The following INTS12 variants were observed in gnomAD, a reference collection of about 807,000 sequenced individuals.
The protein encoded by INTS12 is PHD finger protein 22.
A neutral mutation model predicts 41.6 loss-of-function variants in INTS12; 13 were observed. That is an observed-to-expected ratio of 0.31 (90% CI 0.20 to 0.50). The LOEUF (loss-of-function observed/expected upper bound fraction) is 0.50. INTS12 is among the 20% of genes least tolerant of loss of function. INTS12 has a pLI of 0.98. For synonymous variants in INTS12, 199 were observed against 191.4 expected (o/e 1.04, Z -0.33); for missense variants, 432 against 541.6 (o/e 0.80, Z 2.01).
chr4:105,691,374 C>G (rs1032614392), intron 6 of INTS12, among the ~76,000 whole-genome samples: 2 of 151,878 alleles, frequency 1.3e-5, no homozygotes, highest in Non-Finnish European at 2.9e-5. Context: ...GAAAACTATC[C>G]AATATAACAA....
chr4:105,691,921 A>G, intron 6 of INTS12, 55 bp downstream of exon 6: 1 of 1,333,706 alleles, frequency 7.5e-7, no homozygotes, highest in Non-Finnish European at 1.0e-6. Context: ...TTGAAAGCAC[A>G]TACCAACAAA....
intron 1 of INTS12, among the ~76,000 whole-genome samples, chr4:105,706,864 C>T (rs1732283516): frequency 6.6e-6 from 1 of 152,122 alleles, no homozygotes; most frequent in Non-Finnish European, 1.5e-5. Flanking sequence ...TATTAGCTTA[C>T]TTGAACTATG....
intron 6 of INTS12, among the ~76,000 whole-genome samples, chr4:105,687,641 T>G (rs779086456): frequency 6.6e-6 from 1 of 152,172 alleles, no homozygotes; most frequent in Non-Finnish European, 1.5e-5. Context: ...CAAACACAGT[T>G]AGGATTAAAA....
chr4:105,695,410 C>A (rs1459695751), intron 4 of INTS12, 106 bp downstream of exon 4: 9 of 785,796 alleles, frequency 1.1e-5, no homozygotes, highest in Non-Finnish European at 1.8e-5. Flanking sequence ...TTATTATATA[C>A]CTATACCCAT....
At chr4:105,708,030 C>G in intron 1 of INTS12, 1 of 985,396 alleles carries the variant, frequency 1.0e-6, no homozygotes, top group Non-Finnish European at 1.2e-6. Context: ...CATAATGGCT[C>G]TAAAAAACTT....
At chr4:105,703,458 G>GCC (rs1732155123) in intron 2 of INTS12, among the ~76,000 whole-genome samples, 190 bp downstream of exon 2, 1 of 152,016 alleles carries the variant, frequency 6.6e-6, no homozygotes, top group Admixed American at 6.6e-5. Flanking sequence ...TATTATCCTT[G>GCC]ATTTATTGCA....
chr4:105,707,148 C>A (rs1732304810), intron 1 of INTS12, among the ~76,000 whole-genome samples: 1 of 152,036 alleles, frequency 6.6e-6, no homozygotes, highest in South Asian at 2.1e-4. Flanking sequence ...AGCTCTTTAC[C>A]TATTTTTATA....
rs767514862 is a variant in INTS12, at chr4:105,700,706, A to AACACACACACACACACACACACACACAC, written c.-9-720_-9-693dup. The stretch of plus-strand genomic sequence containing the variant: ...GAGGGATAATATCATATCTACTTAA[A>AACACACACACACACACACACACACACAC]ACACACACACACACACACACACACA... On this transcript the variant is annotated intron_variant, in intron 2 of 7. Transcript: ENST00000340139. Among the ~76,000 whole-genome samples the AACACACACACACACACACACACACACAC allele has an allele frequency of 1.9e-4, 26 of 134,806 alleles. 1 individual carries two copies. The highest frequency in any genetic ancestry group is 6.1e-4 in the African/African-American group (21 of 34,376). The allele number at this position is 134,806 out of a possible 152,430, so 88.4% of individuals were successfully genotyped here. A position where few individuals can be genotyped will look rare whatever the true frequency, so the allele number is the denominator to read the frequency against.
chr4:105,701,344 G>A (rs1315582011), intron 2 of INTS12, among the ~76,000 whole-genome samples: 1 of 151,004 alleles, frequency 6.6e-6, no homozygotes, highest in Non-Finnish European at 1.5e-5. Flanking sequence ...AATCACCCAT[G>A]GAAAGGAATC....
At chr4:105,702,964 A>G (rs1389511596) in intron 2 of INTS12, 5 of 984,796 alleles carry the variant, frequency 5.1e-6, no homozygotes, top group Non-Finnish European at 6.0e-6. Flanking sequence ...ATATAGTGAA[A>G]GAAGTTTACT....
At chr4:105,684,043 A>G (rs963409377) in intron 7 of INTS12, among the ~76,000 whole-genome samples, 3 of 152,108 alleles carry the variant, frequency 2.0e-5, no homozygotes, top group African/African-American at 7.2e-5. Flanking sequence ...TTTAATAAGG[A>G]TTTTATCAAT....
intron 2 of INTS12, chr4:105,702,951 T>C: frequency 1.0e-6 from 1 of 985,040 alleles, no homozygotes; most frequent in Non-Finnish European, 1.2e-6. Context: ...CCGGCAAATA[T>C]CCATATAGTG....
chr4:105,690,710 T>TG (rs1560775381), intron 6 of INTS12, among the ~76,000 whole-genome samples: 1 of 152,016 alleles, frequency 6.6e-6, no homozygotes, highest in Non-Finnish European at 1.5e-5. Flanking sequence ...AGAAAAAACT[T>TG]GGGGGAAGAA....
chr4:105,708,302 CAG>C, intron 1 of INTS12: 1 of 985,526 alleles, frequency 1.0e-6, no homozygotes, highest in South Asian at 4.7e-5. Context: ...TGGTCCTTGA[CAG>C]GGGAGCCAAA....
chr4:105,693,213 T>G, intron 5 of INTS12, 86 bp downstream of exon 5: 1 of 1,116,732 alleles, frequency 9.0e-7, no homozygotes, highest in East Asian at 2.4e-5. Context: ...GCACAACAAT[T>G]TTTCTGATTT....
chr4:105,689,272 T>G (rs1441821808), intron 6 of INTS12, among the ~76,000 whole-genome samples: 2 of 152,236 alleles, frequency 1.3e-5, no homozygotes, highest in East Asian at 1.9e-4. Context: ...TTGCCCCAGT[T>G]TGAGGAATCT....
chr4:105,690,103 A>C (rs11941690), intron 6 of INTS12, among the ~76,000 whole-genome samples: 59,576 of 152,134 alleles, frequency 0.39, 17,056 homozygotes, highest in African/African-American at 0.81. Flanking sequence ...AGAAGCAGAA[A>C]ATATGGGAAC....
intron 6 of INTS12, among the ~76,000 whole-genome samples, chr4:105,691,439 A>C (rs1424567407): frequency 6.6e-6 from 1 of 152,246 alleles, no homozygotes; most frequent in Non-Finnish European, 1.5e-5. Context: ...CAACAGTAAA[A>C]AGAGAAAGTA....
At chr4:105,687,644 G>C (rs1167454668) in intron 6 of INTS12, among the ~76,000 whole-genome samples, 1 of 152,124 alleles carries the variant, frequency 6.6e-6, no homozygotes, top group Non-Finnish European at 1.5e-5. Context: ...ACACAGTTAG[G>C]ATTAAAACCC....
Sources: allele counts gnomAD v4.1 joint callset (sites outside exome capture counted in the v4.1 genomes callset), GRCh38; gene constraint gnomAD v4.1.1; transcripts MANE v1.5; gene names NCBI Gene and HGNC (gene_info 2026-07-23, HGNC 2026-07-21).